SCARA3: variants seen among roughly 807,000 people sequenced by gnomAD.
SCARA3 encodes the protein cellular stress response gene protein.
A neutral mutation model predicts 47.0 loss-of-function variants in SCARA3; 39 were observed. The ratio of observed to expected loss-of-function variants is 0.83; its 90% CI spans 0.64 to 1.08. SCARA3 has a LOEUF of 1.08. Ranked by LOEUF, SCARA3 falls within the 50% of genes least tolerant of loss-of-function variation. The probability of loss-of-function intolerance (pLI) is 0.00; values close to 1 mark genes in which losing one functional copy is unlikely to be tolerated. For synonymous variants in SCARA3, 356 were observed against 334.1 expected, an observed-to-expected ratio of 1.07 and a Z score of -0.71; for missense variants, 724 against 792.3, an observed-to-expected ratio of 0.91 and a Z score of 1.04.
chr8:27,682,052 A>G, the SCARA3 span, among the ~76,000 whole-genome samples: 1 of 152,218 alleles, frequency 6.6e-6, no homozygotes, highest in African/African-American at 2.4e-5. Flanking sequence ...TAAAGATATT[A>G]TAATCAAGAC....
intron 1 of SCARA3, among the ~76,000 whole-genome samples, chr8:27,635,719 G>T (rs1252120564): frequency 6.6e-6 from 1 of 151,824 alleles, no homozygotes; most frequent in East Asian, 1.9e-4. Flanking sequence ...GCCTCCTAAA[G>T]TGCTGGGATT....
chr8:27,721,681 A>C, the SCARA3 span, among the ~76,000 whole-genome samples: 1 of 152,176 alleles, frequency 6.6e-6, no homozygotes, highest in East Asian at 1.9e-4. Flanking sequence ...ACTCACCCTT[A>C]ACTTAGGGAT....
Position 27,672,858 on chromosome 8 carries a change from A to G in SCARA3, c.*1507A>G. 1 of 985,632 alleles carries G rather than the reference A, an allele frequency of 1.0e-6. No individual in the cohort carries two copies. The highest frequency in any genetic ancestry group is 1.2e-6 in the Non-Finnish European group (1 of 830,084). The allele number at this position is 985,632 out of a possible 1,614,324, so 61.1% of individuals were successfully genotyped here. ...TCTCCTTCCCAACACGGACCCAGAG[A>G]GCAGCCCTTCCCTGCTCAAAGCCTT... is the stretch of plus-strand genomic sequence containing the variant. On this transcript the variant is annotated 3_prime_UTR_variant, in exon 6 of 6. Coordinates refer to ENST00000301904, the MANE Select transcript of SCARA3 (RefSeq NM_016240.3).
rs572799693 is a variant in SCARA3, at chr8:27,671,343, T to G, written c.1813T>G (p.Phe605Val). 4.7e-4 allele frequency: 675 copies of G among 1,422,180 alleles called. 11 individuals carry two copies. In the South Asian group the frequency reaches 1.0e-2, roughly 21 times the overall value. 88.1% of individuals were successfully genotyped at this position (1,422,180 alleles called of 1,614,324 possible). A position where few individuals can be genotyped will look rare whatever the true frequency, so the allele number is the denominator to read the frequency against. The change falls in exon 6 of 6, where the codon TTC becomes GTC. Residue 605 changes from phenylalanine (F) to valine (V), a missense_variant. Physicochemically the swap from Phe to Val is conservative, Grantham distance 50. Transcript: ENST00000301904. ...GPPGPPGSQS[F>V]Y ...TCCAGGTCCACCAGGAAGCCAGAGC[T>G]TCTACTGAGGAGGGCTGTGGCAGAG...
chr8:27,659,709 G>T (rs34254927), intron 5 of SCARA3, among the ~76,000 whole-genome samples, 170 bp downstream of exon 5: 272 of 152,114 alleles, frequency 1.8e-3, no homozygotes, highest in Non-Finnish European at 3.2e-3. Context: ...CATTAGCCAG[G>T]CATGGTGGTG....
At chr8:27,641,809 G>T (rs1385625810) in intron 1 of SCARA3, among the ~76,000 whole-genome samples, 1 of 152,196 alleles carries the variant, frequency 6.6e-6, no homozygotes, top group Non-Finnish European at 1.5e-5. Flanking sequence ...CATGTCCAGA[G>T]CCCTGAGTTT....
At chr8:27,687,043 C>T in the SCARA3 span, among the ~76,000 whole-genome samples, 3 of 151,672 alleles carry the variant, frequency 2.0e-5, no homozygotes, top group Non-Finnish European at 4.4e-5. Context: ...TGGGGCTGAT[C>T]TCAGCAACCA....
chr8:27,722,357 G>A, the SCARA3 span, among the ~76,000 whole-genome samples: 1 of 152,046 alleles, frequency 6.6e-6, no homozygotes, highest in African/African-American at 2.4e-5. Context: ...GAAGACACAG[G>A]CAGCCTTGCC....
Position 27,672,686 on chromosome 8 carries a change from C to G in SCARA3, c.*1335C>G. The G allele has an allele frequency of 1.0e-6, 1 of 985,724 alleles. No homozygotes were observed. Among genetic ancestry groups the G allele is most frequent in the Non-Finnish European group, 1.2e-6 (1 of 830,158 alleles). The allele number at this position is 985,724 out of a possible 1,614,324, so 61.1% of individuals were successfully genotyped here. On this transcript the variant is annotated 3_prime_UTR_variant, in exon 6 of 6. Coordinates refer to ENST00000301904, the MANE Select transcript of SCARA3 (RefSeq NM_016240.3). The stretch of plus-strand genomic sequence containing the variant: ...CTCCTTGGCACCCACCAACTTCCTG[C>G]ACACACTGGCAGAGAGGGGCGCTGG...
the SCARA3 span, among the ~76,000 whole-genome samples, chr8:27,695,212 A>G: frequency 6.6e-6 from 1 of 152,218 alleles, no homozygotes. Context: ...ATAGCCTATT[A>G]TAGATCCACC....
At chr8:27,693,934 G>C in the SCARA3 span, among the ~76,000 whole-genome samples, 194 of 152,262 alleles carry the variant, frequency 1.3e-3, no homozygotes, top group African/African-American at 4.4e-3. Flanking sequence ...CGTCTTACAG[G>C]TATCGTTTGA....
intron 1 of SCARA3, among the ~76,000 whole-genome samples, chr8:27,646,525 A>T (rs1437126042): frequency 6.6e-6 from 1 of 152,122 alleles, no homozygotes; most frequent in Non-Finnish European, 1.5e-5. Context: ...GTCACGGGGG[A>T]GGGCAGAGGA....
chr8:27,660,110 CT>C (rs1174855323), intron 5 of SCARA3, among the ~76,000 whole-genome samples: 1 of 152,046 alleles, frequency 6.6e-6, no homozygotes, highest in Non-Finnish European at 1.5e-5. Context: ...CCCTCTGCCC[CT>C]GGAGGCTGTC....
In SCARA3 at chr8:27,649,153, C is replaced by T. The variant is rs545594761; in HGVS notation, c.8-549C>T. On this transcript the variant is annotated intron_variant, in intron 1 of 5. Transcript: ENST00000301904. ...AACTCTGAAAGGAGACCTGCTCCGCCCAAGGCCCTTTGACACCCTGATGGG... is the reference window on the plus strand; with the variant it reads ...AACTCTGAAAGGAGACCTGCTCCGCTCAAGGCCCTTTGACACCCTGATGGG... 5.3e-5 allele frequency among the ~76,000 whole-genome samples: 8 copies of T among 152,298 alleles called. No homozygotes were observed. In the East Asian group the frequency reaches 1.5e-3, roughly 29 times the overall value.
In SCARA3 at chr8:27,658,619, T is replaced by G. The variant is rs1769483387; in HGVS notation, c.449T>G (p.Leu150Arg). 2 of 1,613,992 alleles carry G rather than the reference T, an allele frequency of 1.2e-6. No homozygotes were observed. Residue 150 changes from leucine to arginine, a missense_variant, in exon 5 of 6, where the codon CTG (leucine) becomes CGG (arginine). Physicochemically the swap from Leu to Arg is moderately radical, Grantham distance 102. Coordinates refer to ENST00000301904, the MANE Select transcript of SCARA3 (RefSeq NM_016240.3). ...QKLLLAQEVQ[L>R]DQTLQAQEVL... Reference sequence around the variant, plus strand: ...CTGCTTCTGGCCCAGGAGGTGCAGCTGGACCAGACCTTACAGGCCCAGGAG... The same window carrying G: ...CTGCTTCTGGCCCAGGAGGTGCAGCGGGACCAGACCTTACAGGCCCAGGAG...
At chr8:27,707,972 C>G in the SCARA3 span, among the ~76,000 whole-genome samples, 16 of 152,204 alleles carry the variant, frequency 1.1e-4, no homozygotes, top group African/African-American at 3.9e-4. Context: ...GCCAGACATG[C>G]AAAGATTCAG....
the SCARA3 span, among the ~76,000 whole-genome samples, chr8:27,732,484 A>G: frequency 1.3e-5 from 2 of 152,272 alleles, no homozygotes; most frequent in Non-Finnish European, 2.9e-5. Flanking sequence ...ATGAAATCAG[A>G]AAGACAAAAC....
At chr8:27,723,744 GT>G in the SCARA3 span, among the ~76,000 whole-genome samples, 174 of 152,274 alleles carry the variant, frequency 1.1e-3, no homozygotes, top group African/African-American at 4.0e-3. Context: ...TCTTTTTGTT[GT>G]TTGTTTCAGA....
chr8:27,716,347 A>T, the SCARA3 span, among the ~76,000 whole-genome samples: 6 of 151,870 alleles, frequency 4.0e-5, no homozygotes, highest in African/African-American at 1.5e-4. Flanking sequence ...ATAAAGAACC[A>T]GGAATCTATG....
Sources: allele counts gnomAD v4.1 joint callset (sites outside exome capture counted in the v4.1 genomes callset), GRCh38; gene constraint gnomAD v4.1.1; transcripts MANE v1.5; gene names NCBI Gene and HGNC (gene_info 2026-07-23, HGNC 2026-07-21).